PIK3R3: variants seen among roughly 807,000 people sequenced by gnomAD.
PIK3R3 encodes the protein phosphatidylinositol 3-kinase regulatory subunit gamma.
A neutral mutation model predicts 62.9 loss-of-function variants in PIK3R3; 64 were observed. The observed-to-expected ratio is 1.02, with a 90% CI of 0.83 to 1.25. The LOEUF is 1.25. Ranked by LOEUF, PIK3R3 falls within the 50% of genes most tolerant of loss-of-function variation. The pLI is 0.00. For missense variants in PIK3R3, 614 were observed against 561.6 expected (o/e 1.09, Z -0.94); for synonymous variants, 165 against 189.0 (o/e 0.87, Z 1.04).
Position 46,044,638 on chromosome 1 carries a change from A to ACTC in PIK3R3, c.1188-770_1188-768dup, listed in dbSNP as rs1299233547. ...TAACAGTAATCCAATGCACTTTTCAACTCCTCCCCCATTTTCTGCCCATAA... is the reference window on the plus strand; with the variant it reads ...TAACAGTAATCCAATGCACTTTTCAACTCCTCCTCCCCCATTTTCTGCCCATAA... On this transcript the variant is annotated intron_variant, in intron 9 of 9. Transcript: ENST00000262741. The surrounding 1 kb of genome is among the most constrained non-coding windows in gnomAD (Gnocchi z 4.2). 6.6e-6 allele frequency among the ~76,000 whole-genome samples: 1 copy of ACTC among 151,528 alleles called. No individual in the cohort carries two copies. The highest frequency in any genetic ancestry group is 1.5e-5 in the Non-Finnish European group (1 of 67,896).
intron 1 of PIK3R3, among the ~76,000 whole-genome samples, chr1:46,127,235 G>T (rs1934253): frequency 4.0e-5 from 6 of 151,692 alleles, no homozygotes; most frequent in Middle Eastern, 3.4e-3. Flanking sequence ...CCATCTCCTA[G>T]AGAGGCTGAA....
At chr1:46,046,434 T>C in intron 8 of PIK3R3, 117 bp downstream of exon 8, 1 of 747,216 alleles carries the variant, frequency 1.3e-6, no homozygotes, top group Non-Finnish European at 2.3e-6. Context: ...ATAGTCAAAG[T>C]TCTAGATTCA....
At chr1:46,061,826 G>A (rs1648517386) in intron 6 of PIK3R3, 103 bp downstream of exon 6, 2 of 1,027,742 alleles carry the variant, frequency 1.9e-6, no homozygotes, top group South Asian at 2.6e-5. Flanking sequence ...CCAATAGTAG[G>A]GCTGTGCAGT....
chr1:46,080,853 T>C (rs571006006), intron 1 of PIK3R3, 103 bp from the exon 2 acceptor site: 180 of 694,422 alleles, frequency 2.6e-4, no homozygotes, highest in Middle Eastern at 7.4e-4. Flanking sequence ...ATTCTAATAA[T>C]TATCAATCAA....
chr1:46,078,659 T>C (rs987279946), intron 2 of PIK3R3, among the ~76,000 whole-genome samples: 1 of 152,146 alleles, frequency 6.6e-6, no homozygotes, highest in African/African-American at 2.4e-5. Context: ...CCAAAATAAC[T>C]GAAAGCAGGG....
intron 1 of PIK3R3, among the ~76,000 whole-genome samples, chr1:46,092,902 G>A (rs1651777344): frequency 6.6e-6 from 1 of 151,938 alleles, no homozygotes; most frequent in African/African-American, 2.4e-5. Flanking sequence ...CCCGACTATA[G>A]CTCAATCCAT....
At chr1:46,163,024 T>G in the PIK3R3 span, among the ~76,000 whole-genome samples, 7 of 152,226 alleles carry the variant, frequency 4.6e-5, no homozygotes, top group African/African-American at 1.7e-4. Context: ...AAACATTATT[T>G]TGGAAGTCAC....
the PIK3R3 span, among the ~76,000 whole-genome samples, chr1:46,143,928 C>T: frequency 1.8e-4 from 28 of 152,148 alleles, no homozygotes; most frequent in South Asian, 5.2e-3. Flanking sequence ...TCCCTTCATC[C>T]CCCTCTCCCA....
chr1:46,154,982 A>G, the PIK3R3 span, among the ~76,000 whole-genome samples: 7 of 152,234 alleles, frequency 4.6e-5, no homozygotes, highest in Non-Finnish European at 8.8e-5. Context: ...AATCTGAAAT[A>G]ACTTTACTTA....
At chr1:46,087,451 T>G (rs1196718418) in intron 1 of PIK3R3, among the ~76,000 whole-genome samples, 1 of 152,078 alleles carries the variant, frequency 6.6e-6, no homozygotes, top group Non-Finnish European at 1.5e-5. Context: ...CCTATCCCTT[T>G]CTGGTTACCT....
intron 6 of PIK3R3, among the ~76,000 whole-genome samples, chr1:46,059,440 A>G (rs1648256601): frequency 6.6e-6 from 1 of 152,226 alleles, no homozygotes; most frequent in Non-Finnish European, 1.5e-5. Flanking sequence ...CTTTTCCAAC[A>G]CACAACGTTT....
At chr1:46,116,648 C>A (rs1376172361) in intron 1 of PIK3R3, among the ~76,000 whole-genome samples, 1 of 147,906 alleles carries the variant, frequency 6.8e-6, no homozygotes, top group African/African-American at 2.5e-5. Context: ...GGTGACAGAG[C>A]GAAACTCCAT....
At chr1:46,052,968 C>A (rs1050767058) in intron 7 of PIK3R3, among the ~76,000 whole-genome samples, 1 of 152,202 alleles carries the variant, frequency 6.6e-6, no homozygotes, top group Non-Finnish European at 1.5e-5. Context: ...CAGTATCATG[C>A]AGCAATGCTA....
At chr1:46,143,688 G>A in the PIK3R3 span, among the ~76,000 whole-genome samples, 1 of 151,538 alleles carries the variant, frequency 6.6e-6, no homozygotes, top group Non-Finnish European at 1.5e-5. Context: ...TCACCATGTT[G>A]CCCAGGCCAG....
intron 1 of PIK3R3, among the ~76,000 whole-genome samples, chr1:46,129,642 T>C (rs1225595363): frequency 6.6e-6 from 1 of 152,104 alleles, no homozygotes; most frequent in East Asian, 1.9e-4. Context: ...AGGAAAAACC[T>C]ACAAAACATG....
rs1034812592 is a variant in PIK3R3, at chr1:46,089,299, T to A, written c.107-8549A>T. 7.9e-5 allele frequency among the ~76,000 whole-genome samples: 12 copies of A among 152,116 alleles called. 1 individual carries two copies. Among genetic ancestry groups the A allele is most frequent in the African/African-American group, 2.9e-4 (12 of 41,388 alleles). ...GGAGGATGAAGGGCAGTTTAGAGGGTATGTTTAAGAAAAGAATGGAAATGG... is the reference window on the plus strand; with the variant it reads ...GGAGGATGAAGGGCAGTTTAGAGGGAATGTTTAAGAAAAGAATGGAAATGG... On this transcript the variant is annotated intron_variant, in intron 1 of 9. Transcript: ENST00000262741.
chr1:46,124,236 CA>C (rs2149471659), intron 1 of PIK3R3, among the ~76,000 whole-genome samples: 1 of 152,172 alleles, frequency 6.6e-6, no homozygotes, highest in Admixed American at 6.5e-5. Flanking sequence ...CACAACTCTA[CA>C]AAGGTAAGAG....
chr1:46,080,938 G>A (rs1015550263), intron 1 of PIK3R3, among the ~76,000 whole-genome samples, 188 bp from the exon 2 acceptor site: 7 of 152,120 alleles, frequency 4.6e-5, no homozygotes, highest in African/African-American at 1.4e-4. Flanking sequence ...AAAACGTCAA[G>A]ATATTTGTTT....
rs566256598 is a variant in PIK3R3, at chr1:46,099,078, A to C, written c.107-18328T>G. ...GGAATAAGATAGTTGTAATAGTTGCACAACTATTTGACTATATTAAAAACC... is the reference window on the plus strand; with the variant it reads ...GGAATAAGATAGTTGTAATAGTTGCCCAACTATTTGACTATATTAAAAACC... On this transcript the variant is annotated intron_variant, in intron 1 of 9. Coordinates refer to ENST00000262741, the MANE Select transcript of PIK3R3 (RefSeq NM_003629.4). 5.3e-5 allele frequency among the ~76,000 whole-genome samples: 8 copies of C among 152,336 alleles called. No homozygotes were observed. In the South Asian group the frequency reaches 1.7e-3, roughly 32 times the overall value.
Sources: allele counts gnomAD v4.1 joint callset (sites outside exome capture counted in the v4.1 genomes callset), GRCh38; gene constraint gnomAD v4.1.1; non-coding constraint Gnocchi (gnomAD v3.1); transcripts MANE v1.5; gene names NCBI Gene and HGNC (gene_info 2026-07-23, HGNC 2026-07-21).